The following RASA3 variants were observed in gnomAD, a reference collection of about 807,000 sequenced individuals.
RASA3 encodes the protein ras GTPase-activating protein 3.
A neutral mutation model predicts 110.0 loss-of-function variants in RASA3; 73 were observed. The ratio of observed to expected loss-of-function variants is 0.66; its 90% CI spans 0.55 to 0.81. The LOEUF (loss-of-function observed/expected upper bound fraction) is 0.81, where lower values mean the gene tolerates loss of function less well. RASA3 is among the 30% of genes least tolerant of loss of function. RASA3 has a pLI of 0.00. For missense variants in RASA3, 976 were observed against 1,113.2 expected (o/e 0.88, Z 1.75); for synonymous variants, 500 against 451.4 (o/e 1.11, Z -1.37).
chr13:114,073,676 A>G (rs2079617905), intron 2 of RASA3, 44 bp downstream of exon 2: 2 of 1,495,276 alleles, frequency 1.3e-6, no homozygotes, highest in East Asian at 2.3e-5. Context: ...TCTCTACACC[A>G]AAGAAAACAC....
At chr13:113,997,567 C>T (rs1055336492) in intron 20 of RASA3, among the ~76,000 whole-genome samples, 2 of 149,998 alleles carry the variant, frequency 1.3e-5, no homozygotes, top group Non-Finnish European at 3.0e-5. Flanking sequence ...ACAGGTCTCC[C>T]GGGGCAGGAG....
intron 2 of RASA3, among the ~76,000 whole-genome samples, chr13:114,067,946 T>C (rs2079481331): frequency 6.6e-6 from 1 of 152,234 alleles, no homozygotes; most frequent in African/African-American, 2.4e-5. Context: ...TTCTCAGAAA[T>C]CACATCACAT....
rs1324938697 is a variant in RASA3 at position 114,112,368 on chromosome 13, C to T, written c.55+20067G>A. Among the ~76,000 whole-genome samples the T allele has an allele frequency of 3.9e-5, 6 of 152,202 alleles. No individual in the cohort carries two copies. Among genetic ancestry groups the T allele is most frequent in the Non-Finnish European group, 5.9e-5 (4 of 68,038 alleles). ...TTTCTACCACGAGAAAGTCAGGGCC[C>T]TCCCCGAAGGAGCAGAAGCTCTGCG... On this transcript the variant is annotated intron_variant, in intron 1 of 23. Coordinates refer to ENST00000334062, the MANE Select transcript of RASA3 (RefSeq NM_007368.4). The surrounding 1 kb of genome is among the most constrained non-coding windows in gnomAD (Gnocchi z 4.8).
intron 10 of RASA3, 129 bp downstream of exon 10, chr13:114,018,634 A>C: frequency 8.3e-7 from 1 of 1,201,340 alleles, no homozygotes; most frequent in Non-Finnish European, 1.1e-6. Context: ...GAAACAGGCC[A>C]GGCTGGGAGG....
In RASA3 at chr13:113,979,128, TGAC is replaced by T; in HGVS notation, c.*216_*218del. On this transcript the variant is annotated 3_prime_UTR_variant, in exon 24 of 24. Transcript: ENST00000334062. ...AAGGAGCAAAAAGCACAGAATCAAA[TGAC>T]GACACGTTCCACAGGGCCAGGTGGG... 3.5e-6 allele frequency: 2 copies of T among 572,244 alleles called. No homozygotes were observed. Among genetic ancestry groups the T allele is most frequent in the Middle Eastern group, 4.7e-4 (1 of 2,144 alleles). 35.4% of individuals were successfully genotyped at this position (572,244 alleles called of 1,614,324 possible). A position where few individuals can be genotyped will look rare whatever the true frequency, so the allele number is the denominator to read the frequency against.
intron 15 of RASA3, among the ~76,000 whole-genome samples, chr13:114,012,143 T>C (rs996913211): frequency 2.0e-5 from 3 of 151,996 alleles, no homozygotes; most frequent in African/African-American, 4.8e-5. Context: ...ATACTCCATA[T>C]GTGATGGGCA....
intron 10 of RASA3, 86 bp downstream of exon 10, chr13:114,018,677 C>T: frequency 6.6e-7 from 1 of 1,524,716 alleles, no homozygotes; most frequent in Non-Finnish European, 8.9e-7. Flanking sequence ...AGAAGGTGCC[C>T]TCTGGGGTGG....
At chr13:114,067,538 C>T (rs1432879133) in intron 2 of RASA3, among the ~76,000 whole-genome samples, 1 of 152,236 alleles carries the variant, frequency 6.6e-6, no homozygotes, top group Non-Finnish European at 1.5e-5. Flanking sequence ...CAACTTCCTC[C>T]TGCCCCTTTC....
chr13:114,076,758 AG>A (rs1382992585), intron 1 of RASA3, among the ~76,000 whole-genome samples: 1 of 150,638 alleles, frequency 6.6e-6, no homozygotes, highest in African/African-American at 2.4e-5. Context: ...GGGCAGCCGC[AG>A]CACACCCAGC....
At chr13:114,030,821 A>T (rs2054150113) in intron 4 of RASA3, among the ~76,000 whole-genome samples, 1 of 149,476 alleles carries the variant, frequency 6.7e-6, no homozygotes. Flanking sequence ...GTGTCTGTGC[A>T]TCTGGCTGTG....
At chr13:114,069,480 C>T (rs143822850) in intron 2 of RASA3, among the ~76,000 whole-genome samples, 2,077 of 12,760 alleles carry the variant, frequency 0.16, 119 homozygotes, top group Admixed American at 0.34. Flanking sequence ...ACTCGGGGGC[C>T]GGGAGACTCG....
At chr13:113,980,428 C>T (rs568439618) in intron 23 of RASA3, among the ~76,000 whole-genome samples, 19 of 144,760 alleles carry the variant, frequency 1.3e-4, no homozygotes, top group Middle Eastern at 3.7e-3. Context: ...TCACCTCCTC[C>T]GTGTGTGCAC....
At chr13:113,980,157 ACCT>A (rs773499179) in intron 23 of RASA3, among the ~76,000 whole-genome samples, 19 of 92,724 alleles carry the variant, frequency 2.0e-4, no homozygotes, top group South Asian at 7.1e-4. Context: ...GTGTGTGCAC[ACCT>A]CCTCCCACGT....
chr13:114,132,172 C>A (rs1157658508), intron 1 of RASA3, among the ~76,000 whole-genome samples: 1 of 152,230 alleles, frequency 6.6e-6, no homozygotes, highest in African/African-American at 2.4e-5. Flanking sequence ...CCGCCGCTAC[C>A]AGGGACCGGG....
rs538726924 is a variant in RASA3, at chr13:114,079,771, G to A, written c.56-5934C>T. Among the ~76,000 whole-genome samples, 6 of 152,288 alleles carry A rather than the reference G, an allele frequency of 3.9e-5. No homozygotes were observed. In the South Asian group the frequency reaches 6.2e-4, roughly 16 times the overall value. On this transcript the variant is annotated intron_variant, in intron 1 of 23. Coordinates refer to ENST00000334062, the MANE Select transcript of RASA3 (RefSeq NM_007368.4). Reference sequence around the variant, plus strand: ...CCCATGTGCCCCCTGGCTCCTGTTCGCCTCTGGACACGGGGGCTCCGTGAC... The same window carrying A: ...CCCATGTGCCCCCTGGCTCCTGTTCACCTCTGGACACGGGGGCTCCGTGAC...
At chr13:114,054,568 A>G (rs2079205599) in intron 2 of RASA3, among the ~76,000 whole-genome samples, 1 of 152,160 alleles carries the variant, frequency 6.6e-6, no homozygotes, top group Non-Finnish European at 1.5e-5. Context: ...GATTTCACTG[A>G]TTTCAGTATT....
At chr13:114,055,749 G>C (rs2079233704) in intron 2 of RASA3, among the ~76,000 whole-genome samples, 1 of 152,178 alleles carries the variant, frequency 6.6e-6, no homozygotes, top group Non-Finnish European at 1.5e-5. Context: ...TTCGCTCCCG[G>C]CAGAGCCCCA....
intron 1 of RASA3, among the ~76,000 whole-genome samples, chr13:114,082,873 A>G (rs898750824): frequency 2.8e-4 from 43 of 152,240 alleles, no homozygotes; most frequent in Admixed American, 2.8e-3. Flanking sequence ...CACACAACTC[A>G]CAAAAAATAA....
At chr13:114,015,064 C>T (rs539711737) in intron 14 of RASA3, 145 bp downstream of exon 14, 80 of 1,201,878 alleles carry the variant, frequency 6.7e-5, no homozygotes, top group Non-Finnish European at 7.8e-5. Flanking sequence ...GCACAAACCC[C>T]GGAAAAATCC....
Sources: allele counts gnomAD v4.1 joint callset (sites outside exome capture counted in the v4.1 genomes callset), GRCh38; gene constraint gnomAD v4.1.1; non-coding constraint Gnocchi (gnomAD v3.1); transcripts MANE v1.5; gene names NCBI Gene and HGNC (gene_info 2026-07-23, HGNC 2026-07-21).